PTPN13: variants seen among roughly 807,000 people sequenced by gnomAD.
The protein encoded by PTPN13 is tyrosine-protein phosphatase non-receptor type 13.
PTPN13 carries 191 observed loss-of-function variants against 284.0 expected under a neutral mutation model. The ratio of observed to expected loss-of-function variants is 0.67; its 90% CI spans 0.60 to 0.76. The LOEUF is 0.76. PTPN13 is among the 30% of genes least tolerant of loss of function. PTPN13 has a pLI of 0.00. For missense variants in PTPN13, 2,797 were observed against 2,939.9 expected (o/e 0.95, Z 1.12); for synonymous variants, 986 against 1,022.3 (o/e 0.96, Z 0.68).
At chr4:86,715,234 A>ATGTGTGTGTGTGTATATATG (rs147987763) in intron 7 of PTPN13, among the ~76,000 whole-genome samples, 7 of 151,716 alleles carry the variant, frequency 4.6e-5, no homozygotes, top group Non-Finnish European at 1.0e-4. Flanking sequence ...GTGTGTATAT[A>ATGTGTGTGTGTGTATATATG]CGTGTGTGTG....
rs1406821707 is a variant in PTPN13, at chr4:86,693,683, A to G, written c.634+9A>G. On this transcript the variant is annotated intron_variant, in intron 6 of 47. Transcript: ENST00000411767. ...AAAAGGATTACCAACAGGTAAGAGT[A>G]TATTAATAGGAAATGTCTAGGCTTT... 2 of 1,524,214 alleles carry G rather than the reference A, an allele frequency of 1.3e-6. No homozygotes were observed. Among genetic ancestry groups the G allele is most frequent in the Admixed American group, 2.0e-5 (1 of 50,244 alleles). 94.4% of individuals were successfully genotyped at this position (1,524,214 alleles called of 1,614,324 possible).
chr4:86,730,978 G>A (rs1734878442), intron 10 of PTPN13, among the ~76,000 whole-genome samples: 1 of 152,142 alleles, frequency 6.6e-6, no homozygotes, highest in African/African-American at 2.4e-5. Context: ...TGTTTAAAAT[G>A]TGTCCTATTG....
At chr4:86,600,541 C>T (rs1044915877) in intron 1 of PTPN13, among the ~76,000 whole-genome samples, 5 of 141,818 alleles carry the variant, frequency 3.5e-5, no homozygotes, top group South Asian at 2.2e-4. Context: ...GTTTTGTGTA[C>T]GATATCAGTT....
At chr4:86,782,062 T>A in intron 36 of PTPN13, 139 bp from the exon 37 acceptor site, 1 of 594,492 alleles carries the variant, frequency 1.7e-6, no homozygotes, top group Non-Finnish European at 3.0e-6. Flanking sequence ...TGGTTTTTAA[T>A]CATTTTGTAA....
chr4:86,717,161 T>C, intron 9 of PTPN13, 44 bp downstream of exon 9: 1 of 1,347,982 alleles, frequency 7.4e-7, no homozygotes, highest in Non-Finnish European at 1.0e-6. Context: ...CAGTGACCAG[T>C]GTTTGTTTTT....
chr4:86,687,071 C>T (rs1729536313), intron 4 of PTPN13, among the ~76,000 whole-genome samples: 2 of 152,130 alleles, frequency 1.3e-5, no homozygotes, highest in South Asian at 2.1e-4. Flanking sequence ...GATAAATGAG[C>T]GTGTACTTTA....
chr4:86,618,167 CATTT>C (rs1720791371), intron 1 of PTPN13, among the ~76,000 whole-genome samples: 1 of 151,986 alleles, frequency 6.6e-6, no homozygotes, highest in Admixed American at 6.6e-5. Flanking sequence ...TTCCCAGCAC[CATTT>C]ATTAAATAGG....
chr4:86,621,658 C>T (rs775843255), intron 1 of PTPN13, among the ~76,000 whole-genome samples: 10 of 152,108 alleles, frequency 6.6e-5, no homozygotes, highest in Admixed American at 1.3e-4. Context: ...TTGCCCCAGA[C>T]CTTTGCTGGG....
intron 40 of PTPN13, among the ~76,000 whole-genome samples, chr4:86,788,003 C>T (rs1742183301): frequency 2.0e-5 from 3 of 152,142 alleles, no homozygotes; most frequent in African/African-American, 7.2e-5. Flanking sequence ...ACATTTTGGG[C>T]TAGATAAATT....
At chr4:86,746,239 CTGAT>C (rs1448419836) in intron 17 of PTPN13, among the ~76,000 whole-genome samples, 10 of 152,100 alleles carry the variant, frequency 6.6e-5, no homozygotes, top group African/African-American at 2.4e-4. Flanking sequence ...AGAGATAAAA[CTGAT>C]TTGGTGATTT....
chr4:86,771,955 T>C (rs1337862637), intron 31 of PTPN13, among the ~76,000 whole-genome samples: 1 of 152,154 alleles, frequency 6.6e-6, no homozygotes, highest in Non-Finnish European at 1.5e-5. Context: ...ATTGAAAACA[T>C]AGAAGCATAC....
intron 24 of PTPN13, among the ~76,000 whole-genome samples, chr4:86,763,430 A>G (rs767972846): frequency 6.6e-6 from 1 of 152,244 alleles, no homozygotes; most frequent in Non-Finnish European, 1.5e-5. Context: ...AAGAAGGAAT[A>G]TGCAGATTAT....
In PTPN13 at chr4:86,707,156, C is replaced by T. The variant is rs115058533; in HGVS notation, c.1195+5355C>T. Among the ~76,000 whole-genome samples, 175 of 152,282 alleles carry T rather than the reference C, an allele frequency of 1.1e-3. 1 individual carries two copies. Among genetic ancestry groups the T allele is most frequent in the Admixed American group, 2.1e-3 (32 of 15,298 alleles). On this transcript the variant is annotated intron_variant, in intron 7 of 47. Coordinates refer to ENST00000411767, the MANE Select transcript of PTPN13 (RefSeq NM_080683.3). ...GTACAGAGTGAGCAGTACTCCCACA[C>T]CCTGGGTGGGGATCATTAATAGCAT...
chr4:86,761,932 T>G (rs918660277), intron 23 of PTPN13, among the ~76,000 whole-genome samples: 1 of 152,184 alleles, frequency 6.6e-6, no homozygotes, highest in Non-Finnish European at 1.5e-5. Context: ...TTTACACGTG[T>G]CTTTGGTGGT....
Position 86,643,975 on chromosome 4 carries a change from T to G in PTPN13, c.115+8604T>G, listed in dbSNP as rs755094909. The stretch of plus-strand genomic sequence containing the variant: ...AGTATCAGGTGACATGATTTCAGAT[T>G]CTATAGTTATTTAAAAAAATAATAA... On this transcript the variant is annotated intron_variant, in intron 2 of 47. Coordinates refer to ENST00000411767, the MANE Select transcript of PTPN13 (RefSeq NM_080683.3). Among the ~76,000 whole-genome samples the G allele has an allele frequency of 2.6e-4, 40 of 152,260 alleles. 1 individual carries two copies. The highest frequency in any genetic ancestry group is 1.2e-3 in the Admixed American group (19 of 15,284).
chr4:86,625,525 C>T (rs1721735681), intron 1 of PTPN13, among the ~76,000 whole-genome samples: 1 of 152,114 alleles, frequency 6.6e-6, no homozygotes. Context: ...TTTATCCTCT[C>T]ACCTGCTAGA....
chr4:86,804,543 G>A (rs1454443356), intron 43 of PTPN13, among the ~76,000 whole-genome samples: 1 of 152,178 alleles, frequency 6.6e-6, no homozygotes, highest in African/African-American at 2.4e-5. Context: ...CCATGCTATG[G>A]AATGATTTGT....
At chr4:86,654,252 A>G (rs1725468600) in intron 2 of PTPN13, among the ~76,000 whole-genome samples, 2 of 152,206 alleles carry the variant, frequency 1.3e-5, no homozygotes, top group Admixed American at 6.5e-5. Context: ...TTTTGAAAAG[A>G]TCAACAAAAT....
chr4:86,661,272 C>A, intron 2 of PTPN13: 1 of 231,986 alleles, frequency 4.3e-6, no homozygotes, highest in South Asian at 4.5e-5. Context: ...TTCTTTTACT[C>A]AACATTCTGT....
Sources: gnomAD v4.1 joint callset for allele counts (sites outside exome capture counted in the v4.1 genomes callset) on GRCh38, gnomAD v4.1.1 for gene constraint, MANE v1.5 for transcripts, NCBI Gene and HGNC (gene_info 2026-07-23, HGNC 2026-07-21) for gene names.